Variants in HCN2 observed in about 807,000 individuals in gnomAD.
HCN2 encodes the protein potassium/sodium hyperpolarization-activated cyclic nucleotide-gated channel 2.
In HCN2, 20 loss-of-function variants were observed where a neutral mutation model predicts 52.3. The observed-to-expected ratio is 0.38, with a 90% CI of 0.27 to 0.56. The LOEUF (loss-of-function observed/expected upper bound fraction) is 0.56, where lower values mean the gene tolerates loss of function less well. HCN2 is among the 20% of genes least tolerant of loss of function. HCN2 has a pLI of 0.71. For synonymous variants in HCN2, 694 were observed against 537.0 expected, an observed-to-expected ratio of 1.29 and a Z score of -4.04; for missense variants, 981 against 1,207.7, an observed-to-expected ratio of 0.81 and a Z score of 2.78.
At chr19:601,104 G>C (rs978065931) in intron 1 of HCN2, among the ~76,000 whole-genome samples, 2 of 152,196 alleles carry the variant, frequency 1.3e-5, no homozygotes, top group African/African-American at 4.8e-5. Context: ...CATGAGGTCA[G>C]GGTTTCGAGA....
At chr19:604,146 CT>C (rs1983318924) in intron 2 of HCN2, among the ~76,000 whole-genome samples, 179 bp downstream of exon 2, 1 of 61,296 alleles carries the variant, frequency 1.6e-5, no homozygotes, top group African/African-American at 1.1e-4. Flanking sequence ...TATGGGAGAT[CT>C]GGGTGGGGTC....
At chr19:610,211 C>T (rs769522411) in intron 4 of HCN2, 48 bp from the exon 5 acceptor site, 1 of 1,571,126 alleles carries the variant, frequency 6.4e-7, no homozygotes, top group South Asian at 1.1e-5. Flanking sequence ...CCTGTGCCCG[C>T]TGCAGGCCGG....
intron 1 of HCN2, among the ~76,000 whole-genome samples, 165 bp from the exon 2 acceptor site, chr19:603,379 C>CG (rs1301610524): frequency 6.9e-6 from 1 of 145,472 alleles, no homozygotes; most frequent in Non-Finnish European, 1.5e-5. Context: ...GGGTGCCCCT[C>CG]GTCCCACAGG....
In HCN2 at chr19:613,190, G is replaced by T. The variant is rs529055748; in HGVS notation, c.1585-58G>T. On this transcript the variant is annotated intron_variant, in intron 5 of 7. Transcript: ENST00000251287. ...GAGGTGAGCCGGTCCCAGAGGCAGG[G>T]CGAGGGGGAAGCGGGAGTGGGGTCC... 4.9e-3 allele frequency: 7,628 copies of T among 1,545,196 alleles called. 30 individuals carry two copies. Among genetic ancestry groups the T allele is most frequent in the Non-Finnish European group, 6.1e-3 (6,970 of 1,144,994 alleles).
chr19:595,939 G>A (rs1157590931), intron 1 of HCN2, among the ~76,000 whole-genome samples: 1 of 152,152 alleles, frequency 6.6e-6, no homozygotes. Flanking sequence ...CCTGCGGGGA[G>A]GGCCTGGCTG....
intron 2 of HCN2, among the ~76,000 whole-genome samples, chr19:604,323 A>G (rs1413520325): frequency 2.1e-5 from 3 of 144,174 alleles, no homozygotes; most frequent in Non-Finnish European, 4.5e-5. Flanking sequence ...GGTGGGGTCA[A>G]GGCCCCAGGG....
At position 617,033 on chromosome 19, in the gene HCN2, G is replaced by C; in HGVS notation, c.*559G>C. On this transcript the variant is annotated 3_prime_UTR_variant, in exon 8 of 8. Coordinates refer to ENST00000251287, the MANE Select transcript of HCN2 (RefSeq NM_001194.4). The stretch of plus-strand genomic sequence containing the variant: ...TGGCTGCGCAGGGCGCGGGGGGGAG[G>C]CTGGGGTCCCGCCGCCGTGATGAAT... The C allele has an allele frequency of 3.7e-6, 2 of 533,918 alleles. No individual in the cohort carries two copies. The highest frequency in any genetic ancestry group is 4.0e-5 in the South Asian group (2 of 50,024). 33.1% of individuals were successfully genotyped at this position (533,918 alleles called of 1,614,324 possible). A position where few individuals can be genotyped will look rare whatever the true frequency, so the allele number is the denominator to read the frequency against.
chr19:594,432 A>T (rs1396647203), intron 1 of HCN2, among the ~76,000 whole-genome samples: 1 of 151,982 alleles, frequency 6.6e-6, no homozygotes. Flanking sequence ...GTGTTTCTGA[A>T]TTGTCTTCAG....
intron 5 of HCN2, among the ~76,000 whole-genome samples, chr19:612,425 TGTGA>T (rs1379926774): frequency 4.6e-5 from 5 of 109,422 alleles, no homozygotes; most frequent in African/African-American, 1.2e-4. Flanking sequence ...TGTGTGTGTG[TGTGA>T]GAGAGAGATG....
At chr19:594,760 C>T (rs1982972921) in intron 1 of HCN2, among the ~76,000 whole-genome samples, 1 of 152,146 alleles carries the variant, frequency 6.6e-6, no homozygotes, top group Admixed American at 6.5e-5. Flanking sequence ...CAGGAAGGCC[C>T]AGCGTGTGCA....
chr19:608,011 G>T lies in HCN2; in HGVS notation c.1266G>T (p.Met422Ile). ...ELYSFALFKA[M>I]SHMLCIGYGR... Reference sequence around the variant, plus strand: ...ACTCCTTCGCACTCTTCAAGGCCATGAGCCACATGCTGTGCATCGGGTACG... The same window carrying T: ...ACTCCTTCGCACTCTTCAAGGCCATTAGCCACATGCTGTGCATCGGGTACG... Residue 422 changes from methionine (M) to isoleucine (I), a missense_variant, in exon 4 of 8, where the codon ATG becomes ATT. Physicochemically the swap from Met to Ile is conservative, Grantham distance 10. Coordinates refer to ENST00000251287, the MANE Select transcript of HCN2 (RefSeq NM_001194.4). 1.2e-6 allele frequency: 2 copies of T among 1,613,018 alleles called. No homozygotes were observed. The highest frequency in any genetic ancestry group is 2.2e-5 in the South Asian group (2 of 91,072).
chr19:601,036 C>T lies in HCN2; in HGVS notation c.633-2508C>T, dbSNP rs115532412. ...TTTCGTAGAAATGGGCTCACACGGCCGGGCGCAGTGGCTCAGGCCGGTAAT... is the reference window on the plus strand; with the variant it reads ...TTTCGTAGAAATGGGCTCACACGGCTGGGCGCAGTGGCTCAGGCCGGTAAT... On this transcript the variant is annotated intron_variant, in intron 1 of 7. Transcript: ENST00000251287. 9.9e-3 allele frequency among the ~76,000 whole-genome samples: 1,500 copies of T among 152,254 alleles called. 22 individuals are homozygous for T. Among genetic ancestry groups the T allele is most frequent in the African/African-American group, 0.035 (1,444 of 41,550 alleles).
At chr19:612,929 C>G (rs746327247) in intron 5 of HCN2, among the ~76,000 whole-genome samples, 2 of 152,050 alleles carry the variant, frequency 1.3e-5, no homozygotes, top group East Asian at 3.9e-4. Flanking sequence ...ATCCTCCCGC[C>G]TCGGCCTCCG....
At chr19:599,261 G>A (rs1201976561) in intron 1 of HCN2, among the ~76,000 whole-genome samples, 2 of 152,360 alleles carry the variant, frequency 1.3e-5, no homozygotes, top group South Asian at 2.1e-4. Flanking sequence ...CCCCGCAGAC[G>A]TGGTGTTAAC....
Position 615,899 on chromosome 19 carries a change from C to T in HCN2, c.2095C>T (p.Arg699Cys), listed in dbSNP as rs1167775858. Residue 699 changes from arginine to cysteine, a missense_variant, in exon 8 of 8, where the codon CGC (arginine) becomes TGC (cysteine). Transcript: ENST00000251287. ...CATCCAGGAGATCGTCAAGTACGACCGCGAGATGGTGCAGCAGGCCGAGCT... is the reference window on the plus strand; with the variant it reads ...CATCCAGGAGATCGTCAAGTACGACTGCGAGATGGTGCAGCAGGCCGAGCT... Reference protein sequence around the residue: ...AIIQEIVKYDREMVQQAELGQ... With the variant: ...AIIQEIVKYDCEMVQQAELGQ... 2.5e-6 allele frequency: 4 copies of T among 1,612,522 alleles called. No individual in the cohort carries two copies. The highest frequency in any genetic ancestry group is 2.2e-5 in the East Asian group (1 of 44,856).
chr19:609,137 G>A (rs1421707652), intron 4 of HCN2, among the ~76,000 whole-genome samples: 7 of 152,170 alleles, frequency 4.6e-5, no homozygotes, highest in African/African-American at 1.2e-4. Flanking sequence ...CGGAAGCCAC[G>A]GGCCTCACAC....
rs756004992 is a variant in HCN2 at position 613,859 on chromosome 19, C to T, written c.1833C>T (p.Cys611=). Residue 611 remains cysteine, a synonymous_variant, in exon 7 of 8, where the codon TGC becomes TGT. Transcript: ENST00000251287. ...CCTGCGCGCCACGTGCAGAGATCTG[C>T]CTGCTCACCCGGGGCCGCCGCACGG... ...LSDGSYFGEI[C]LLTRGRRTAS... is the part of the protein sequence containing the mutation. 3 of 1,584,120 alleles carry T rather than the reference C, an allele frequency of 1.9e-6. No individual in the cohort carries two copies. The highest frequency in any genetic ancestry group is 2.6e-6 in the Non-Finnish European group (3 of 1,166,640).
intron 1 of HCN2, among the ~76,000 whole-genome samples, chr19:595,850 A>ACCGACCT (rs967983879): frequency 5.3e-5 from 8 of 151,962 alleles, no homozygotes; most frequent in African/African-American, 1.4e-4. Flanking sequence ...TCCCTTAATC[A>ACCGACCT]CCGACCTCCG....
In HCN2 at chr19:590,770, G is replaced by C. The variant is rs1018271142; in HGVS notation, c.632+193G>C. 2.1e-5 allele frequency: 7 copies of C among 330,022 alleles called. No homozygotes were observed. In the Admixed American group the frequency reaches 3.0e-4, roughly 14 times the overall value. The allele number at this position is 330,022 out of a possible 1,614,324, so 20.4% of individuals were successfully genotyped here. ...GCGCGCGAGGCTCCGCCTCTGGGGG[G>C]GCTCCCCGGGTGACCGCGGAGCGCC... On this transcript the variant is annotated intron_variant, in intron 1 of 7. Transcript: ENST00000251287. The surrounding 1 kb of genome is among the most constrained non-coding windows in gnomAD (Gnocchi z 7.2).
Sources: allele counts gnomAD v4.1 joint callset (sites outside exome capture counted in the v4.1 genomes callset), GRCh38; gene constraint gnomAD v4.1.1; non-coding constraint Gnocchi (gnomAD v3.1); transcripts MANE v1.5; gene names NCBI Gene and HGNC (gene_info 2026-07-23, HGNC 2026-07-21).